Variants in TMOD2 observed in about 807,000 individuals in gnomAD.
The protein encoded by TMOD2 is tropomodulin-2.
In TMOD2, 22 loss-of-function variants were observed where a neutral mutation model predicts 39.9. The ratio of observed to expected loss-of-function variants is 0.55; its 90% CI spans 0.39 to 0.79. TMOD2 has a LOEUF of 0.79. Among genes scored for constraint, TMOD2 ranks in the 30% least tolerant of loss-of-function variants. The pLI, the probability that TMOD2 is intolerant of heterozygous loss-of-function variation, is 0.00. For synonymous variants in TMOD2, 123 were observed against 146.1 expected, an observed-to-expected ratio of 0.84 and a Z score of 1.14; for missense variants, 386 against 413.3, an observed-to-expected ratio of 0.93 and a Z score of 0.57.
At chr15:51,754,423 A>G (rs1016975898) in intron 1 of TMOD2, among the ~76,000 whole-genome samples, 1 of 152,192 alleles carries the variant, frequency 6.6e-6, no homozygotes, top group African/African-American at 2.4e-5. Context: ...AAGTGGTTCA[A>G]AGAGGTTCAT....
At chr15:51,805,113 C>T (rs935638751) in intron 8 of TMOD2, among the ~76,000 whole-genome samples, 1 of 151,798 alleles carries the variant, frequency 6.6e-6, no homozygotes, top group Non-Finnish European at 1.5e-5. Flanking sequence ...TGCATGCCAC[C>T]ATGCCCAGCA....
Position 51,813,806 on chromosome 15 carries a change from A to T in TMOD2, c.*5352A>T, listed in dbSNP as rs1019170778. 1 of 152,240 alleles carries T rather than the reference A, an allele frequency of 6.6e-6. No homozygotes were observed. Among genetic ancestry groups the T allele is most frequent in the Non-Finnish European group, 1.5e-5 (1 of 68,040 alleles). The allele number at this position is 152,240 out of a possible 1,614,324, so 9.4% of individuals were successfully genotyped here. On this transcript the variant is annotated 3_prime_UTR_variant, in exon 10 of 10. Coordinates refer to ENST00000249700, the MANE Select transcript of TMOD2 (RefSeq NM_014548.4). The stretch of plus-strand genomic sequence containing the variant: ...GGTAAGAATATAATCAGATAACTGG[A>T]TAAAAACACTATATAAACTGGAAAG...
chr15:51,782,884 A>G (rs1247480676), intron 7 of TMOD2, 56 bp downstream of exon 7: 8 of 1,519,958 alleles, frequency 5.3e-6, no homozygotes, highest in African/African-American at 1.4e-5. Flanking sequence ...TGGAAACTCT[A>G]TTTACTTTGT....
At chr15:51,785,178 C>T (rs1567242023) in intron 7 of TMOD2, among the ~76,000 whole-genome samples, 1 of 150,332 alleles carries the variant, frequency 6.7e-6, no homozygotes, top group African/African-American at 2.5e-5. Flanking sequence ...TTTGGGAGGC[C>T]GAGGCGGGTG....
chr15:51,787,180 G>A (rs991841174), intron 7 of TMOD2, among the ~76,000 whole-genome samples: 1 of 152,222 alleles, frequency 6.6e-6, no homozygotes, highest in African/African-American at 2.4e-5. Flanking sequence ...ATTCCCTCCT[G>A]TGCCTGGCTT....
intron 7 of TMOD2, among the ~76,000 whole-genome samples, chr15:51,795,565 GCTTGCTTGCTTGCTTT>G (rs1482485933): frequency 0.047 from 5,100 of 108,864 alleles, 402 homozygotes; most frequent in African/African-American, 0.15. Flanking sequence ...CTTCTCTTCT[GCTTGCTTGCTTGCTTT>G]CTTTCTTTCT....
In TMOD2 at chr15:51,811,211, A is replaced by G. The variant is rs2056154666; in HGVS notation, c.*2757A>G. 1 of 152,242 alleles carries G rather than the reference A, an allele frequency of 6.6e-6. No homozygotes were observed. Among genetic ancestry groups the G allele is most frequent in the Non-Finnish European group, 1.5e-5 (1 of 68,048 alleles). The allele number at this position is 152,242 out of a possible 1,614,324, so 9.4% of individuals were successfully genotyped here. A position where few individuals can be genotyped will look rare whatever the true frequency, so the allele number is the denominator to read the frequency against. ...TAGGACTTCATCTCCCTCTCTGCCC[A>G]AAGTGTGGAAGTGGTAGCTCTTTCA... On this transcript the variant is annotated 3_prime_UTR_variant, in exon 10 of 10. Coordinates refer to ENST00000249700, the MANE Select transcript of TMOD2 (RefSeq NM_014548.4).
chr15:51,773,822 T>G lies in TMOD2; in HGVS notation c.394T>G (p.Tyr132Asp). 1 of 1,609,998 alleles carries G rather than the reference T, an allele frequency of 6.2e-7. No homozygotes were observed. The highest frequency in any genetic ancestry group is 8.5e-7 in the Non-Finnish European group (1 of 1,178,690). Residue 132 changes from tyrosine (Y) to aspartate (D), a missense_variant, in exon 4 of 10, where the codon TAT becomes GAT. Physicochemically the swap from Tyr to Asp is radical, Grantham distance 160. Transcript: ENST00000249700. ...ALASASDTEL[Y>D]DLAAVLGVHN... Reference sequence around the variant, plus strand: ...GGCCAGTGCCTCTGACACCGAACTCTATGATCTTGCAGGTTAGTCCTGAAC... The same window carrying G: ...GGCCAGTGCCTCTGACACCGAACTCGATGATCTTGCAGGTTAGTCCTGAAC...
intron 3 of TMOD2, among the ~76,000 whole-genome samples, chr15:51,769,575 T>G (rs2055839514): frequency 6.6e-6 from 1 of 152,118 alleles, no homozygotes; most frequent in Non-Finnish European, 1.5e-5. Flanking sequence ...GAGCCAAGAA[T>G]AGGAAACCCT....
At chr15:51,752,477 C>G (rs965846718) in intron 1 of TMOD2, 2 of 152,242 alleles carry the variant, frequency 1.3e-5, no homozygotes, top group Non-Finnish European at 2.9e-5. Flanking sequence ...GCAGCTTCGT[C>G]TGTGCCCATT....
At chr15:51,762,818 C>A (rs966040146) in intron 1 of TMOD2, among the ~76,000 whole-genome samples, 1 of 152,066 alleles carries the variant, frequency 6.6e-6, no homozygotes, top group African/African-American at 2.4e-5. Context: ...TCTTTTTGGT[C>A]TTCTTTCTCT....
intron 7 of TMOD2, among the ~76,000 whole-genome samples, chr15:51,792,578 G>C (rs1396915753): frequency 1.3e-5 from 2 of 151,972 alleles, no homozygotes; most frequent in Non-Finnish European, 2.9e-5. Flanking sequence ...TGTTTATCGC[G>C]GCACTATTCA....
At chr15:51,786,126 A>G (rs1158504165) in intron 7 of TMOD2, among the ~76,000 whole-genome samples, 4 of 152,118 alleles carry the variant, frequency 2.6e-5, no homozygotes, top group African/African-American at 9.7e-5. Flanking sequence ...CACTCCTAAT[A>G]GAAATTTTTC....
chr15:51,795,902 A>AC (rs1275983028), intron 7 of TMOD2, among the ~76,000 whole-genome samples: 1 of 54,506 alleles, frequency 1.8e-5, no homozygotes, highest in African/African-American at 7.6e-5. Flanking sequence ...GCCGCCCCCC[A>AC]CCCCCCACCC....
intron 1 of TMOD2, among the ~76,000 whole-genome samples, chr15:51,758,424 T>G (rs868172297): frequency 1.3e-5 from 2 of 152,342 alleles, no homozygotes; most frequent in African/African-American, 4.8e-5. Context: ...GGGCAACTTC[T>G]GTGGGCTTAG....
At chr15:51,787,793 G>A (rs1311665676) in intron 7 of TMOD2, among the ~76,000 whole-genome samples, 1 of 152,144 alleles carries the variant, frequency 6.6e-6, no homozygotes, top group East Asian at 1.9e-4. Context: ...AAAACTAACA[G>A]AACGGAATAG....
intron 3 of TMOD2, 151 bp from the exon 4 acceptor site, chr15:51,773,561 T>C: frequency 1.6e-6 from 1 of 631,586 alleles, no homozygotes; most frequent in Non-Finnish European, 2.5e-6. Flanking sequence ...TTGATGTTGG[T>C]ACCATCCTGG....
chr15:51,775,564 T>G (rs1049858415), intron 4 of TMOD2, among the ~76,000 whole-genome samples: 1 of 111,376 alleles, frequency 9.0e-6, no homozygotes, highest in Non-Finnish European at 1.9e-5. Context: ...TGACAAATTC[T>G]TTTTCCTTTT....
At chr15:51,768,192 G>T (rs1292896000) in intron 2 of TMOD2, 70 bp from the exon 3 acceptor site, 5 of 1,565,048 alleles carry the variant, frequency 3.2e-6, no homozygotes, top group South Asian at 1.1e-5. Flanking sequence ...GTGAGTGGGG[G>T]TGGAAGAGGA....
Sources: gnomAD v4.1 joint callset for allele counts (sites outside exome capture counted in the v4.1 genomes callset) on GRCh38, gnomAD v4.1.1 for gene constraint, MANE v1.5 for transcripts, NCBI Gene and HGNC (gene_info 2026-07-23, HGNC 2026-07-21) for gene names.